RBFOX1: variants seen among roughly 807,000 people sequenced by gnomAD.
The protein encoded by RBFOX1 is RNA binding fox-1 homolog 1.
A neutral mutation model predicts 57.7 loss-of-function variants in RBFOX1; 8 were observed. That is an observed-to-expected ratio of 0.14 (90% CI 0.08 to 0.25). The LOEUF (loss-of-function observed/expected upper bound fraction) is 0.25. Ranked by LOEUF, RBFOX1 falls within the 10% of genes least tolerant of loss-of-function variation. RBFOX1 has a pLI of 1.00. For synonymous variants in RBFOX1, 326 were observed against 222.4 expected (o/e 1.47, Z -4.15); for missense variants, 611 against 548.5 (o/e 1.11, Z -1.14).
At chr16:7,350,808 C>A (rs73565834) in intron 4 of RBFOX1, among the ~76,000 whole-genome samples, 5,026 of 152,082 alleles carry the variant, frequency 0.033, 185 homozygotes, top group African/African-American at 0.089. Flanking sequence ...AGGTAGAGGA[C>A]CAGGGAGTAT....
chr16:6,240,106 A>G (rs1354605412), intron 1 of RBFOX1, among the ~76,000 whole-genome samples: 2 of 152,100 alleles, frequency 1.3e-5, no homozygotes, highest in Non-Finnish European at 2.9e-5. Flanking sequence ...CATCATTGCC[A>G]TGTAAGATGC....
intron 3 of RBFOX1, among the ~76,000 whole-genome samples, chr16:7,001,358 T>G (rs899250735): frequency 2.4e-5 from 3 of 124,194 alleles, no homozygotes; most frequent in Non-Finnish European, 5.3e-5. Context: ...GTGTGTGTGT[T>G]TGTGTGTATG....
chr16:6,825,189 G>C (rs1055673246), intron 3 of RBFOX1, among the ~76,000 whole-genome samples: 1 of 149,610 alleles, frequency 6.7e-6, no homozygotes, highest in Admixed American at 6.7e-5. Context: ...CTTTCTTGTG[G>C]GGGGGCTGAC....
At chr16:7,468,006 C>T (rs1348199671) in intron 4 of RBFOX1, among the ~76,000 whole-genome samples, 3 of 152,224 alleles carry the variant, frequency 2.0e-5, no homozygotes, top group East Asian at 3.8e-4. Flanking sequence ...GCAAGTGAAG[C>T]AGAAGGAAAA....
chr16:7,699,063 C>T (rs1054207882), intron 14 of RBFOX1, among the ~76,000 whole-genome samples: 4 of 152,102 alleles, frequency 2.6e-5, no homozygotes, highest in Non-Finnish European at 4.4e-5. Flanking sequence ...TGTCGCCTTC[C>T]CCTGCCCCTG....
chr16:6,896,260 C>G (rs895617177), intron 3 of RBFOX1, among the ~76,000 whole-genome samples: 10 of 152,074 alleles, frequency 6.6e-5, no homozygotes, highest in Non-Finnish European at 1.2e-4. Flanking sequence ...GAGACTGTCT[C>G]AAAACAAAAC....
At chr16:6,469,364 G>T (rs6500786) in intron 2 of RBFOX1, among the ~76,000 whole-genome samples, 20,008 of 152,130 alleles carry the variant, frequency 0.13, 1,560 homozygotes, top group Middle Eastern at 0.17. Flanking sequence ...AAAGTCTCCA[G>T]TTGAAGCCTA....
rs912111474 is a variant in RBFOX1 at position 7,131,986 on chromosome 16, C to A, written c.27+79888C>A. ...TTAAAAAACATTGATGACTAGAGTCCTTTTTTTCTTTCTTTTTTTTTTTTT... is the reference window on the plus strand; with the variant it reads ...TTAAAAAACATTGATGACTAGAGTCATTTTTTTCTTTCTTTTTTTTTTTTT... On this transcript the variant is annotated intron_variant, in intron 4 of 15. Coordinates refer to ENST00000550418, the MANE Select transcript of RBFOX1 (RefSeq NM_018723.4). 6.9e-5 allele frequency among the ~76,000 whole-genome samples: 9 copies of A among 129,894 alleles called. No homozygotes were observed. In the East Asian group the frequency reaches 2.2e-3, roughly 31 times the overall value. The allele number at this position is 129,894 out of a possible 152,430, so 85.2% of individuals were successfully genotyped here.
chr16:6,110,041 T>A (rs996884604), intron 1 of RBFOX1, among the ~76,000 whole-genome samples: 59 of 152,098 alleles, frequency 3.9e-4, no homozygotes, highest in African/African-American at 1.3e-3. Context: ...ATGGAATAAA[T>A]AACCTCATGT....
chr16:5,805,341 C>T (rs1331700387), intron 3 of RBFOX1, among the ~76,000 whole-genome samples: 1 of 152,172 alleles, frequency 6.6e-6, no homozygotes. Context: ...TATAAATTAG[C>T]ATCCATAAGT....
intron 3 of RBFOX1, among the ~76,000 whole-genome samples, chr16:7,011,157 C>T (rs1214660499): frequency 6.6e-6 from 1 of 151,822 alleles, no homozygotes; most frequent in East Asian, 1.9e-4. Context: ...TCAAAAACTG[C>T]AGACAGATTT....
At chr16:6,948,375 C>CTTTTTTTTTTTTTTTTTTTTTTTTT (rs968186299) in intron 3 of RBFOX1, among the ~76,000 whole-genome samples, 6 of 67,966 alleles carry the variant, frequency 8.8e-5, no homozygotes, top group Non-Finnish European at 1.1e-4. Flanking sequence ...TTCTCCCTTT[C>CTTTTTTTTTTTTTTTTTTTTTTTTT]TTTTTTTTTT....
At chr16:7,208,963 C>T (rs1000269782) in intron 4 of RBFOX1, among the ~76,000 whole-genome samples, 2 of 152,010 alleles carry the variant, frequency 1.3e-5, no homozygotes, top group Non-Finnish European at 2.9e-5. Flanking sequence ...CCCATCTACT[C>T]TTCACTTCAT....
chr16:6,117,509 G>A (rs992079064), intron 1 of RBFOX1, among the ~76,000 whole-genome samples: 1 of 152,244 alleles, frequency 6.6e-6, no homozygotes, highest in Non-Finnish European at 1.5e-5. Flanking sequence ...AGGCCAGAAT[G>A]GCTCCTCCCT....
intron 4 of RBFOX1, among the ~76,000 whole-genome samples, chr16:7,231,956 A>G (rs990933941): frequency 3.9e-5 from 6 of 152,178 alleles, no homozygotes; most frequent in African/African-American, 1.2e-4. Context: ...GAATGGAATG[A>G]TGACGTATTT....
At chr16:6,227,602 G>A (rs766596377) in intron 1 of RBFOX1, among the ~76,000 whole-genome samples, 29 of 151,258 alleles carry the variant, frequency 1.9e-4, no homozygotes, top group Non-Finnish European at 3.5e-4. Context: ...GCTTCCTCTT[G>A]CCTGGAAGAA....
chr16:6,979,081 A>T (rs758872295), intron 3 of RBFOX1, among the ~76,000 whole-genome samples: 1 of 152,200 alleles, frequency 6.6e-6, no homozygotes, highest in Non-Finnish European at 1.5e-5. Flanking sequence ...ATAAAATAGC[A>T]CCAATATGTT....
At chr16:6,935,102 G>A (rs919760463) in intron 3 of RBFOX1, among the ~76,000 whole-genome samples, 3 of 151,708 alleles carry the variant, frequency 2.0e-5, no homozygotes, top group Admixed American at 6.6e-5. Flanking sequence ...AAAAAAAAAA[G>A]AAAAAGAAAA....
chr16:7,265,965 T>G (rs12926915), intron 4 of RBFOX1, among the ~76,000 whole-genome samples: 1 of 65,882 alleles, frequency 1.5e-5, no homozygotes, highest in Non-Finnish European at 2.4e-5. Context: ...TGGGTTTTTG[T>G]TTTTTTTTTT....
Sources: gnomAD v4.1 joint callset for allele counts (sites outside exome capture counted in the v4.1 genomes callset) on GRCh38, gnomAD v4.1.1 for gene constraint, MANE v1.5 for transcripts, NCBI Gene and HGNC (gene_info 2026-07-23, HGNC 2026-07-21) for gene names.